The following CLASP1 variants were observed in gnomAD, a reference collection of about 807,000 sequenced individuals.
The protein encoded by CLASP1 is cytoplasmic linker associated protein 1, also known as CLIP-associating protein 1.
In CLASP1, 38 loss-of-function variants were observed where a neutral mutation model predicts 192.3. That is an observed-to-expected ratio of 0.20 (90% CI 0.15 to 0.26). The LOEUF (loss-of-function observed/expected upper bound fraction) is 0.26. CLASP1 is among the 10% of genes least tolerant of loss of function. The probability of loss-of-function intolerance (pLI) is 1.00; values close to 1 mark genes in which losing one functional copy is unlikely to be tolerated. For missense variants in CLASP1, 1,433 were observed against 1,932.5 expected (o/e 0.74, Z 4.85); for synonymous variants, 691 against 712.8 (o/e 0.97, Z 0.49).
intron 1 of CLASP1, among the ~76,000 whole-genome samples, chr2:121,614,712 A>C (rs1479511355): frequency 2.6e-5 from 4 of 152,180 alleles, no homozygotes; most frequent in Non-Finnish European, 5.9e-5. Flanking sequence ...TTTACTCATC[A>C]ATTTATCAAA....
Position 121,646,018 on chromosome 2 carries a change from C to T in CLASP1, c.-286+3354G>A, listed in dbSNP as rs184192827. 2.0e-3 allele frequency among the ~76,000 whole-genome samples: 301 copies of T among 152,298 alleles called. 2 individuals are homozygous for T. Among genetic ancestry groups the T allele is most frequent in the African/African-American group, 6.2e-3 (258 of 41,578 alleles). ...CTGGCAATGGGTAAAAAAGTTAGTTCATTTTTTAAGATTACATCTTACAAA... is the reference window on the plus strand; with the variant it reads ...CTGGCAATGGGTAAAAAAGTTAGTTTATTTTTTAAGATTACATCTTACAAA... On this transcript the variant is annotated intron_variant, in intron 1 of 39. Coordinates refer to ENST00000263710, the Ensembl canonical transcript of CLASP1.
chr2:121,345,584 G>A (rs1371418274), intron 39 of CLASP1, among the ~76,000 whole-genome samples: 3 of 152,162 alleles, frequency 2.0e-5, no homozygotes, highest in Non-Finnish European at 4.4e-5. Context: ...GAGAGCTGGG[G>A]GGACTTTTGC....
At chr2:121,596,638 A>G (rs1204746819) in intron 2 of CLASP1, among the ~76,000 whole-genome samples, 1 of 152,162 alleles carries the variant, frequency 6.6e-6, no homozygotes, top group Non-Finnish European at 1.5e-5. Context: ...TCTACCAAGG[A>G]AGTGCTAACC....
intron 2 of CLASP1, among the ~76,000 whole-genome samples, chr2:121,549,684 T>C (rs1046259900): frequency 7.8e-6 from 1 of 128,370 alleles, no homozygotes; most frequent in Non-Finnish European, 1.5e-5. Context: ...AACCACATAA[T>C]TGGACATAAA....
intron 1 of CLASP1, among the ~76,000 whole-genome samples, chr2:121,624,129 T>A (rs2067875126): frequency 1.3e-5 from 2 of 152,134 alleles, no homozygotes; most frequent in Non-Finnish European, 2.9e-5. Context: ...TTCCCTCTAT[T>A]TCATTTATTT....
At chr2:121,593,663 G>A (rs2105780682) in intron 2 of CLASP1, among the ~76,000 whole-genome samples, 2 of 144,322 alleles carry the variant, frequency 1.4e-5, no homozygotes, top group South Asian at 4.4e-4. Context: ...ACACAGATAT[G>A]AGACCTAAAT....
chr2:121,516,387 TG>T (rs1187537762), intron 6 of CLASP1, among the ~76,000 whole-genome samples: 1 of 152,210 alleles, frequency 6.6e-6, no homozygotes, highest in African/African-American at 2.4e-5. Flanking sequence ...GCGAAGTGCT[TG>T]GAACAGCAGG....
chr2:121,499,169 C>T (rs2093646976), intron 8 of CLASP1, among the ~76,000 whole-genome samples: 1 of 152,178 alleles, frequency 6.6e-6, no homozygotes, highest in Non-Finnish European at 1.5e-5. Flanking sequence ...AGTGGAACAA[C>T]CCCAAACGTC....
chr2:121,530,290 C>T (rs1177333800), exon 3 of CLASP1: 1 of 1,552,268 alleles, frequency 6.4e-7, no homozygotes, highest in South Asian at 1.2e-5. Flanking sequence ...GCCGGGTCAC[C>T]AGGGCGGACA....
chr2:121,349,649 T>C (rs1333777855), intron 37 of CLASP1, among the ~76,000 whole-genome samples: 1 of 152,206 alleles, frequency 6.6e-6, no homozygotes, highest in Admixed American at 6.5e-5. Flanking sequence ...GAAAGGGTTT[T>C]CCTGAGGAAT....
At position 121,605,926 on chromosome 2, in the gene CLASP1, C is replaced by A; in HGVS notation, c.-31G>T. ...AATTCAAATCCAGATCCAGCAAAAG[C>A]TAGAGGGCAGTCACGATGACTCCCT... On this transcript the variant is annotated 5_prime_UTR_variant, in exon 2 of 40. The change abolishes the stop of an existing upstream ORF in the 5' untranslated region. Transcript: ENST00000263710. 1 of 1,605,432 alleles carries A rather than the reference C, an allele frequency of 6.2e-7. No individual in the cohort carries two copies. The highest frequency in any genetic ancestry group is 1.1e-5 in the South Asian group (1 of 90,422).
chr2:121,515,707 C>A, exon 7 of CLASP1: 1 of 1,613,980 alleles, frequency 6.2e-7, no homozygotes, highest in East Asian at 2.2e-5. Flanking sequence ...TGCCCTCACA[C>A]GTTCTCCTAC....
At chr2:121,447,443 A>C in exon 19 of CLASP1, 4 of 1,561,616 alleles carry the variant, frequency 2.6e-6, no homozygotes, top group Non-Finnish European at 3.5e-6. Context: ...CGTTCACATC[A>C]ATATCACTTC....
chr2:121,533,198 G>A (rs747839911), intron 2 of CLASP1, among the ~76,000 whole-genome samples: 1 of 152,186 alleles, frequency 6.6e-6, no homozygotes, highest in Non-Finnish European at 1.5e-5. Context: ...GAAGAAGACT[G>A]AGTGGGTAGA....
At chr2:121,419,934 G>A (rs72967372) in intron 22 of CLASP1, among the ~76,000 whole-genome samples, 6,368 of 152,210 alleles carry the variant, frequency 0.042, 168 homozygotes, top group East Asian at 0.14. Flanking sequence ...TCTATTGTTT[G>A]AGAGCAAAGA....
At chr2:121,623,954 G>A (rs1278656228) in intron 1 of CLASP1, among the ~76,000 whole-genome samples, 4 of 152,164 alleles carry the variant, frequency 2.6e-5, no homozygotes, top group Non-Finnish European at 5.9e-5. Context: ...GCATAAAATG[G>A]TTCCTAGTAT....
intron 32 of CLASP1, among the ~76,000 whole-genome samples, chr2:121,384,811 G>A (rs2072816378): frequency 1.3e-5 from 2 of 152,144 alleles, no homozygotes; most frequent in African/African-American, 4.8e-5. Context: ...AATCCCAAAG[G>A]CGGAGGTTTC....
intron 16 of CLASP1, 63 bp downstream of exon 16, chr2:121,450,850 C>A: frequency 1.7e-6 from 2 of 1,183,080 alleles, no homozygotes; most frequent in Admixed American, 1.8e-5. Context: ...ATAAGGCAAT[C>A]CTATAATTCA....
chr2:121,408,831 A>C (rs1433645220), intron 24 of CLASP1, among the ~76,000 whole-genome samples: 1 of 152,202 alleles, frequency 6.6e-6, no homozygotes, highest in African/African-American at 2.4e-5. Context: ...ACTAAAACAG[A>C]TGTACATGAA....
Sources: allele counts gnomAD v4.1 joint callset (sites outside exome capture counted in the v4.1 genomes callset), GRCh38; gene constraint gnomAD v4.1.1; transcripts MANE v1.5; gene names NCBI Gene and HGNC (gene_info 2026-07-23, HGNC 2026-07-21).